Variants in BCAR3 observed in about 807,000 individuals in gnomAD.
The protein encoded by BCAR3 is BCAR3 adaptor protein, NSP family member.
In BCAR3, 37 loss-of-function variants were observed where a neutral mutation model predicts 80.1. The observed-to-expected ratio is 0.46, with a 90% CI of 0.36 to 0.61. The LOEUF is 0.61. BCAR3 is among the 20% of genes least tolerant of loss of function. The probability of loss-of-function intolerance (pLI) is 0.00; values close to 1 mark genes in which losing one functional copy is unlikely to be tolerated. For missense variants in BCAR3, 978 were observed against 1,068.2 expected (o/e 0.92, Z 1.18); for synonymous variants, 389 against 418.9 (o/e 0.93, Z 0.87).
chr1:93,765,820 C>G (rs974223820), intron 2 of BCAR3, among the ~76,000 whole-genome samples: 1 of 152,020 alleles, frequency 6.6e-6, no homozygotes, highest in African/African-American at 2.4e-5. Context: ...GCGCCCACCA[C>G]CATGCCCGGC....
intron 2 of BCAR3, among the ~76,000 whole-genome samples, chr1:93,838,420 T>C (rs547019465): frequency 2.0e-5 from 3 of 152,294 alleles, no homozygotes; most frequent in African/African-American, 7.2e-5. Context: ...TGTACTACTA[T>C]GAGAGTAGCA....
intron 2 of BCAR3, among the ~76,000 whole-genome samples, chr1:93,717,674 GC>G (rs1265270223): frequency 1.3e-5 from 2 of 148,960 alleles, no homozygotes; most frequent in Non-Finnish European, 3.0e-5. Flanking sequence ...GTTGCAGTGA[GC>G]CGAGATCGTG....
At chr1:93,641,771 G>A (rs991140336) in intron 3 of BCAR3, among the ~76,000 whole-genome samples, 2 of 152,036 alleles carry the variant, frequency 1.3e-5, no homozygotes, top group African/African-American at 2.4e-5. Context: ...GGGAGCCTTC[G>A]GTCCTCCACT....
chr1:93,729,331 A>G (rs768425298), intron 2 of BCAR3, among the ~76,000 whole-genome samples: 5 of 152,148 alleles, frequency 3.3e-5, no homozygotes, highest in Admixed American at 1.3e-4. Flanking sequence ...ATCTAGTATA[A>G]AGCCTATTTT....
Position 93,590,555 on chromosome 1 carries a change from G to A in BCAR3, c.487-1136C>T, listed in dbSNP as rs1468444946. 2.0e-5 allele frequency among the ~76,000 whole-genome samples: 3 copies of A among 152,256 alleles called. No individual in the cohort carries two copies. In the East Asian group the frequency reaches 5.8e-4, roughly 29 times the overall value. ...AGTAGTAAACGAATGTAATGACCAT[G>A]ATAAGGAGACGGACGGTGGTGATAG... On this transcript the variant is annotated intron_variant, in intron 4 of 11. Transcript: ENST00000260502.
At chr1:93,664,170 A>C (rs1199129035) in intron 2 of BCAR3, among the ~76,000 whole-genome samples, 4 of 151,790 alleles carry the variant, frequency 2.6e-5, no homozygotes, top group Non-Finnish European at 4.4e-5. Flanking sequence ...CCCAGGCTGG[A>C]GTGCAATGGC....
At chr1:93,749,362 G>T (rs1204608451) in intron 2 of BCAR3, among the ~76,000 whole-genome samples, 1 of 152,022 alleles carries the variant, frequency 6.6e-6, no homozygotes, top group Non-Finnish European at 1.5e-5. Context: ...GCCGAGGTGG[G>T]CGGATCATGA....
intron 2 of BCAR3, among the ~76,000 whole-genome samples, chr1:93,643,451 C>T (rs1449751702): frequency 7.2e-6 from 1 of 139,522 alleles, no homozygotes; most frequent in Non-Finnish European, 1.5e-5. Flanking sequence ...GAGGCTGAGG[C>T]AGGAGAATTG....
intron 3 of BCAR3, among the ~76,000 whole-genome samples, chr1:93,620,401 A>G (rs1409148203): frequency 6.6e-6 from 1 of 152,200 alleles, no homozygotes; most frequent in Admixed American, 6.5e-5. Flanking sequence ...AACAGGCAGC[A>G]GGTGTATCCA....
intron 3 of BCAR3, among the ~76,000 whole-genome samples, chr1:93,638,578 TA>T (rs3835662): frequency 6.0e-5 from 9 of 151,242 alleles, no homozygotes; most frequent in East Asian, 1.9e-4. Context: ...TTCCTCCTAT[TA>T]AAAAAAAATG....
intron 2 of BCAR3, among the ~76,000 whole-genome samples, chr1:93,776,337 A>G (rs1471327761): frequency 6.6e-6 from 1 of 152,212 alleles, no homozygotes; most frequent in African/African-American, 2.4e-5. Context: ...ACTTTGTTTC[A>G]TAGCCAACCC....
intron 2 of BCAR3, among the ~76,000 whole-genome samples, chr1:93,666,358 A>G (rs1166438621): frequency 2.0e-5 from 3 of 152,232 alleles, no homozygotes; most frequent in Admixed American, 6.5e-5. Context: ...ACGGTTACAT[A>G]AAAATTATTA....
chr1:93,840,319 T>C (rs1654913073), intron 2 of BCAR3, among the ~76,000 whole-genome samples: 1 of 152,182 alleles, frequency 6.6e-6, no homozygotes, highest in Admixed American at 6.5e-5. Context: ...TGCCTTCCCA[T>C]CTGGGAATGG....
chr1:93,750,354 G>T (rs1412729633), intron 2 of BCAR3, among the ~76,000 whole-genome samples: 7 of 152,182 alleles, frequency 4.6e-5, no homozygotes, highest in Non-Finnish European at 1.0e-4. Context: ...TGCAAAATGG[G>T]ATTTTGCTAC....
intron 2 of BCAR3, among the ~76,000 whole-genome samples, chr1:93,744,941 G>C (rs1651305379): frequency 6.6e-6 from 1 of 152,188 alleles, no homozygotes; most frequent in African/African-American, 2.4e-5. Flanking sequence ...TTTACTTTGA[G>C]CTGGGCCAAA....
intron 3 of BCAR3, among the ~76,000 whole-genome samples, chr1:93,622,923 G>T (rs1675357606): frequency 6.6e-6 from 1 of 152,188 alleles, no homozygotes; most frequent in Non-Finnish European, 1.5e-5. Context: ...AGAATTACTA[G>T]GGAGAGCAGC....
intron 3 of BCAR3, among the ~76,000 whole-genome samples, chr1:93,605,011 CT>C (rs1390251116): frequency 6.6e-6 from 1 of 152,208 alleles, no homozygotes; most frequent in Non-Finnish European, 1.5e-5. Context: ...GGGGTCTCAC[CT>C]TTTCGTTAAT....
At chr1:93,638,895 GA>G (rs902604522) in intron 3 of BCAR3, among the ~76,000 whole-genome samples, 1 of 151,600 alleles carries the variant, frequency 6.6e-6, no homozygotes, top group Non-Finnish European at 1.5e-5. Flanking sequence ...GGAAAAATGT[GA>G]AAAAAAACAA....
At chr1:93,842,720 C>G (rs562090892) in intron 2 of BCAR3, among the ~76,000 whole-genome samples, 4 of 152,270 alleles carry the variant, frequency 2.6e-5, no homozygotes, top group South Asian at 2.1e-4. Flanking sequence ...TCAAGTCTGC[C>G]CCTACCCCTT....
Sources: gnomAD v4.1 joint callset for allele counts (sites outside exome capture counted in the v4.1 genomes callset) on GRCh38, gnomAD v4.1.1 for gene constraint, MANE v1.5 for transcripts, NCBI Gene and HGNC (gene_info 2026-07-23, HGNC 2026-07-21) for gene names.